The following DGKI variants were observed in gnomAD, a reference collection of about 807,000 sequenced individuals.
DGKI encodes the protein DAG kinase iota.
DGKI carries 55 observed loss-of-function variants against 147.5 expected under a neutral mutation model. That is an observed-to-expected ratio of 0.37 (90% CI 0.30 to 0.47). The LOEUF is 0.47. Ranked by LOEUF, DGKI falls within the 20% of genes least tolerant of loss-of-function variation. DGKI has a pLI of 1.00. For missense variants in DGKI, 1,007 were observed against 1,323.8 expected (o/e 0.76, Z 3.71); for synonymous variants, 469 against 477.1 (o/e 0.98, Z 0.22).
At chr7:137,593,752 A>G (rs1389209338) in intron 12 of DGKI, among the ~76,000 whole-genome samples, 1 of 152,242 alleles carries the variant, frequency 6.6e-6, no homozygotes, top group Admixed American at 6.5e-5. Flanking sequence ...ATTTTAGATA[A>G]ATAAAATATA....
At chr7:137,475,436 C>T (rs548513045) in intron 23 of DGKI, among the ~76,000 whole-genome samples, 16 of 152,314 alleles carry the variant, frequency 1.1e-4, no homozygotes, top group Non-Finnish European at 1.9e-4. Flanking sequence ...GCATACATTT[C>T]GGAACATTTT....
chr7:137,569,688 C>T (rs964786778), intron 19 of DGKI, among the ~76,000 whole-genome samples: 1 of 122,336 alleles, frequency 8.2e-6, no homozygotes, highest in African/African-American at 3.2e-5. Flanking sequence ...GAAATTGCTC[C>T]ACTGCACTCC....
At chr7:137,464,606 A>T (rs908628978) in intron 26 of DGKI, among the ~76,000 whole-genome samples, 1 of 152,228 alleles carries the variant, frequency 6.6e-6, no homozygotes, top group Non-Finnish European at 1.5e-5. Flanking sequence ...ACAGCTTGCT[A>T]TCAGGCCATG....
At chr7:137,596,330 T>C (rs1298291350) in intron 12 of DGKI, among the ~76,000 whole-genome samples, 1 of 152,162 alleles carries the variant, frequency 6.6e-6, no homozygotes, top group Non-Finnish European at 1.5e-5. Flanking sequence ...AAGATAACTA[T>C]GGGTATGGTA....
intron 2 of DGKI, among the ~76,000 whole-genome samples, chr7:137,686,535 A>G (rs1460201983): frequency 6.6e-6 from 1 of 152,240 alleles, no homozygotes; most frequent in Non-Finnish European, 1.5e-5. Context: ...TTTGAGTAAA[A>G]CACAGCAGGA....
At chr7:137,710,964 A>G (rs1017874821) in intron 1 of DGKI, among the ~76,000 whole-genome samples, 7 of 152,194 alleles carry the variant, frequency 4.6e-5, no homozygotes, top group Non-Finnish European at 5.9e-5. Flanking sequence ...GAAACCAAAT[A>G]TTAACAGTAA....
intron 19 of DGKI, among the ~76,000 whole-genome samples, chr7:137,562,352 A>G (rs1026441988): frequency 1.3e-5 from 2 of 152,182 alleles, no homozygotes; most frequent in South Asian, 2.1e-4. Context: ...CCTGGCCAAC[A>G]TGGTGAAACC....
chr7:137,604,482 G>A (rs1292539085), intron 10 of DGKI, among the ~76,000 whole-genome samples: 1 of 152,144 alleles, frequency 6.6e-6, no homozygotes, highest in African/African-American at 2.4e-5. Context: ...GCCCTAGTCT[G>A]AGAAAGCCGA....
Position 137,521,328 on chromosome 7 carries a change from C to G in DGKI, c.2248+538G>C, listed in dbSNP as rs553271668. Reference sequence around the variant, plus strand: ...AAACTTTGAGAAGTAATTCATACGTCGACTCAAGTGCAGGTTTCAAAAATA... The same window carrying G: ...AAACTTTGAGAAGTAATTCATACGTGGACTCAAGTGCAGGTTTCAAAAATA... On this transcript the variant is annotated intron_variant, in intron 21 of 32. Transcript: ENST00000614521. Among the ~76,000 whole-genome samples, 8 of 152,140 alleles carry G rather than the reference C, an allele frequency of 5.3e-5. No homozygotes were observed. The South Asian group carries it at 1.7e-3, about 31-fold the overall frequency.
At chr7:137,624,671 C>G (rs1488490166) in intron 6 of DGKI, among the ~76,000 whole-genome samples, 1 of 151,034 alleles carries the variant, frequency 6.6e-6, no homozygotes, top group African/African-American at 2.4e-5. Flanking sequence ...GTGACCCAAT[C>G]TCGTCTCACT....
chr7:137,746,090 C>A (rs980241619), intron 1 of DGKI, among the ~76,000 whole-genome samples: 1 of 152,134 alleles, frequency 6.6e-6, no homozygotes, highest in Non-Finnish European at 1.5e-5. Flanking sequence ...GAATTGGCTG[C>A]ACTAACAGAA....
chr7:137,773,405 G>A (rs1029860591), intron 1 of DGKI, among the ~76,000 whole-genome samples: 3 of 152,206 alleles, frequency 2.0e-5, no homozygotes, highest in African/African-American at 7.2e-5. Flanking sequence ...GCCTTAGAGT[G>A]TTGGCCTCTG....
At chr7:137,809,386 A>G (rs754324693) in intron 1 of DGKI, among the ~76,000 whole-genome samples, 1 of 152,176 alleles carries the variant, frequency 6.6e-6, no homozygotes, top group Non-Finnish European at 1.5e-5. Flanking sequence ...GGAGGAATGG[A>G]GAGAAGGAAT....
chr7:137,516,893 C>T lies in DGKI; in HGVS notation c.2248+4973G>A, dbSNP rs368246347. ...CTGATCATTTTGAAAGTGGGTTAGA[C>T]TTAGTGACTTATTCCTAAAGAATAG... On this transcript the variant is annotated intron_variant, in intron 21 of 32. Transcript: ENST00000614521. Among the ~76,000 whole-genome samples, 22 of 151,978 alleles carry T rather than the reference C, an allele frequency of 1.4e-4. 4 individuals carry two copies. The East Asian group carries it at 2.1e-3, about 15-fold the overall frequency.
At chr7:137,603,379 A>C (rs1227612073) in intron 10 of DGKI, among the ~76,000 whole-genome samples, 1 of 152,234 alleles carries the variant, frequency 6.6e-6, no homozygotes, top group Non-Finnish European at 1.5e-5. Context: ...GATTATAGAA[A>C]GAACAACTGC....
intron 1 of DGKI, among the ~76,000 whole-genome samples, chr7:137,692,069 C>T (rs908291489): frequency 2.6e-5 from 4 of 152,130 alleles, no homozygotes; most frequent in African/African-American, 9.7e-5. Context: ...TTTGGCCCCT[C>T]ACCCCAAAGC....
At position 137,381,298 on chromosome 7, in the gene DGKI, C is replaced by T. The variant is rs1325829310; in HGVS notation, c.*9922G>A. 1 of 110,838 alleles carries T rather than the reference C, an allele frequency of 9.0e-6. No individual in the cohort carries two copies. 6.9% of individuals were successfully genotyped at this position (110,838 alleles called of 1,614,324 possible). A position where few individuals can be genotyped will look rare whatever the true frequency, so the allele number is the denominator to read the frequency against. On this transcript the variant is annotated 3_prime_UTR_variant, in exon 33 of 33. Coordinates refer to ENST00000614521, the MANE Select transcript of DGKI (RefSeq NM_001321708.2). The stretch of plus-strand genomic sequence containing the variant: ...TCCCTTTCCCATCCCACCCCCCCCC[C>T]CCCACCCACCCTCCCTCCACTTCGT...
At chr7:137,686,289 G>C (rs556623868) in intron 2 of DGKI, among the ~76,000 whole-genome samples, 5 of 152,268 alleles carry the variant, frequency 3.3e-5, no homozygotes, top group Middle Eastern at 3.4e-3. Context: ...AAAATCTCTA[G>C]AGGAAATAAT....
intron 3 of DGKI, among the ~76,000 whole-genome samples, chr7:137,675,153 G>A (rs188368370): frequency 2.2e-4 from 33 of 152,132 alleles, no homozygotes; most frequent in African/African-American, 7.0e-4. Flanking sequence ...CTAAAGACTC[G>A]CCTGGAGATC....
Sources: gnomAD v4.1 joint callset for allele counts (sites outside exome capture counted in the v4.1 genomes callset) on GRCh38, gnomAD v4.1.1 for gene constraint, MANE v1.5 for transcripts, NCBI Gene and HGNC (gene_info 2026-07-23, HGNC 2026-07-21) for gene names.